The following LIMCH1 variants were observed in gnomAD, a reference collection of about 807,000 sequenced individuals.
The protein encoded by LIMCH1 is LIM and calponin homology domains 1, also known as LIM and calponin homology domains-containing protein 1.
In LIMCH1, 113 loss-of-function variants were observed where a neutral mutation model predicts 176.5. The ratio of observed to expected loss-of-function variants is 0.64; its 90% CI spans 0.55 to 0.75. The LOEUF (loss-of-function observed/expected upper bound fraction) is 0.75, where lower values mean the gene tolerates loss of function less well. LIMCH1 is among the 30% of genes least tolerant of loss of function. LIMCH1 has a pLI of 0.00. For synonymous variants in LIMCH1, 619 were observed against 645.9 expected, an observed-to-expected ratio of 0.96 and a Z score of 0.63; for missense variants, 1,674 against 1,814.9, an observed-to-expected ratio of 0.92 and a Z score of 1.41.
chr4:41,671,694 G>GA, intron 22 of LIMCH1, 100 bp downstream of exon 22: 3 of 897,180 alleles, frequency 3.3e-6, no homozygotes, highest in Non-Finnish European at 5.5e-6. Context: ...TGCAGGCGGT[G>GA]GCTCACGCCT....
intron 5 of LIMCH1, among the ~76,000 whole-genome samples, chr4:41,618,867 T>C (rs2092344472): frequency 6.6e-6 from 1 of 152,196 alleles, no homozygotes; most frequent in African/African-American, 2.4e-5. Flanking sequence ...TCTGTTTTCT[T>C]CTGAGAGTAG....
intron 1 of LIMCH1, among the ~76,000 whole-genome samples, chr4:41,558,165 TTA>T (rs1164385845): frequency 6.6e-6 from 1 of 152,114 alleles, no homozygotes; most frequent in Non-Finnish European, 1.5e-5. Context: ...TGCTGTGCTT[TTA>T]TGTCACTTTG....
chr4:41,521,907 C>T (rs1359496319), intron 2 of LIMCH1, among the ~76,000 whole-genome samples: 1 of 151,752 alleles, frequency 6.6e-6, no homozygotes. Context: ...GGATGAATAC[C>T]ATGAAATATT....
At chr4:41,655,206 C>G (rs1180235438) in intron 18 of LIMCH1, among the ~76,000 whole-genome samples, 5 of 152,186 alleles carry the variant, frequency 3.3e-5, no homozygotes, top group Admixed American at 3.3e-4. Flanking sequence ...AAAAATACTT[C>G]ATACACTATA....
chr4:41,386,255 C>G (rs1408558140), intron 1 of LIMCH1, among the ~76,000 whole-genome samples: 7 of 152,176 alleles, frequency 4.6e-5, no homozygotes, highest in African/African-American at 1.7e-4. Flanking sequence ...GGGGAAGCAC[C>G]AGAGGACCTA....
At chr4:41,596,557 C>A (rs1404852474) in intron 1 of LIMCH1, among the ~76,000 whole-genome samples, 1 of 152,190 alleles carries the variant, frequency 6.6e-6, no homozygotes, top group Non-Finnish European at 1.5e-5. Flanking sequence ...AATTCAGCGA[C>A]AGGATGATCA....
chr4:41,527,809 C>A (rs1157900221), intron 3 of LIMCH1, among the ~76,000 whole-genome samples: 2 of 120,564 alleles, frequency 1.7e-5, no homozygotes, highest in Admixed American at 1.1e-4. Flanking sequence ...GGCGACAGAG[C>A]GAGACTCCGT....
rs1277849522 is a variant in LIMCH1 at position 41,626,837 on chromosome 4, T to C, written c.855T>C (p.Asp285=). The change falls in exon 8 of 32, where the codon GAT becomes GAC. Residue 285 remains aspartate, a synonymous_variant. Coordinates refer to ENST00000503057, the MANE Select transcript of LIMCH1 (RefSeq NM_001330672.2). The stretch of plus-strand genomic sequence containing the variant: ...GTGAAGTTGTGTGTCGACTGCCTGA[T>C]CTTGAGAAGGATGACTTTGCTGCAA... The part of the protein sequence containing the change: ...AEGEVVCRLP[D]LEKDDFAARR... 2 of 1,536,160 alleles carry C rather than the reference T, an allele frequency of 1.3e-6. No individual in the cohort carries two copies. Among genetic ancestry groups the C allele is most frequent in the South Asian group, 2.4e-5 (2 of 84,056 alleles).
intron 1 of LIMCH1, among the ~76,000 whole-genome samples, chr4:41,484,076 G>A (rs1044877826): frequency 6.6e-6 from 1 of 152,228 alleles, no homozygotes; most frequent in Non-Finnish European, 1.5e-5. Flanking sequence ...AATGTGACAA[G>A]CATTTAGAAC....
chr4:41,497,697 C>T (rs772971660), intron 2 of LIMCH1, among the ~76,000 whole-genome samples: 8 of 151,550 alleles, frequency 5.3e-5, no homozygotes, highest in Non-Finnish European at 8.8e-5. Context: ...CCCAGCTACT[C>T]GGGAGGCTGA....
chr4:41,511,146 T>C (rs1310310434), intron 2 of LIMCH1, among the ~76,000 whole-genome samples: 1 of 152,192 alleles, frequency 6.6e-6, no homozygotes, highest in Non-Finnish European at 1.5e-5. Flanking sequence ...TGTCCCTCTG[T>C]CTGGGTGCAA....
intron 1 of LIMCH1, among the ~76,000 whole-genome samples, chr4:41,594,732 AG>A (rs1182067863): frequency 1.3e-4 from 20 of 152,256 alleles, no homozygotes; most frequent in African/African-American, 4.8e-4. Flanking sequence ...GGCAGCACAA[AG>A]CTTTTGTGTT....
intron 1 of LIMCH1, among the ~76,000 whole-genome samples, chr4:41,395,471 G>A (rs1026900451): frequency 4.2e-5 from 6 of 142,964 alleles, no homozygotes; most frequent in South Asian, 2.4e-4. Context: ...TCGAACTCCC[G>A]ACCTCAAGTG....
chr4:41,450,577 G>A (rs556797161), intron 1 of LIMCH1, among the ~76,000 whole-genome samples: 6 of 151,922 alleles, frequency 3.9e-5, no homozygotes, highest in South Asian at 2.1e-4. Flanking sequence ...TGAGGCGGGC[G>A]GATCACTTGA....
upstream of LIMCH1, among the ~76,000 whole-genome samples, chr4:41,533,320 G>A (rs1359490726): frequency 6.6e-6 from 1 of 152,156 alleles, no homozygotes; most frequent in Non-Finnish European, 1.5e-5. Flanking sequence ...AGGGGAGGAG[G>A]TCCCACAAGG....
intron 2 of LIMCH1, among the ~76,000 whole-genome samples, chr4:41,511,615 T>C (rs1417509123): frequency 2.6e-5 from 4 of 152,244 alleles, no homozygotes; most frequent in Non-Finnish European, 5.9e-5. Flanking sequence ...CATCTTTGTA[T>C]GCCTAATGGT....
At chr4:41,576,335 T>C (rs2084461840) in intron 1 of LIMCH1, among the ~76,000 whole-genome samples, 2 of 152,182 alleles carry the variant, frequency 1.3e-5, no homozygotes, top group Admixed American at 1.3e-4. Flanking sequence ...AAGGCAATAC[T>C]TGCTTATGTC....
intron 4 of LIMCH1, among the ~76,000 whole-genome samples, chr4:41,608,745 C>T (rs1275537887): frequency 6.6e-6 from 1 of 151,944 alleles, no homozygotes; most frequent in Non-Finnish European, 1.5e-5. Context: ...TCAGAAAAGT[C>T]CTTCCAAAGG....
At chr4:41,524,493 T>C (rs1007332593) in intron 3 of LIMCH1, 1 of 1,587,240 alleles carries the variant, frequency 6.3e-7, no homozygotes, top group African/African-American at 1.4e-5. Context: ...GTACGTGGAA[T>C]TGAGATTTAT....
Sources: gnomAD v4.1 joint callset for allele counts (sites outside exome capture counted in the v4.1 genomes callset) on GRCh38, gnomAD v4.1.1 for gene constraint, MANE v1.5 for transcripts, NCBI Gene and HGNC (gene_info 2026-07-23, HGNC 2026-07-21) for gene names.